The following SLC44A4 variants were observed in gnomAD, a reference collection of about 807,000 sequenced individuals.
SLC44A4 encodes solute carrier family 44 member 4, also known as choline transporter-like protein 4.
A neutral mutation model predicts 97.0 loss-of-function variants in SLC44A4; 74 were observed. That is an observed-to-expected ratio of 0.76 (90% CI 0.63 to 0.93). The LOEUF (loss-of-function observed/expected upper bound fraction) is 0.93, where lower values mean the gene tolerates loss of function less well. Among genes scored for constraint, SLC44A4 ranks in the 40% least tolerant of loss-of-function variants. The pLI, the probability that SLC44A4 is intolerant of heterozygous loss-of-function variation, is 0.00. For synonymous variants in SLC44A4, 325 were observed against 363.8 expected (o/e 0.89, Z 1.21); for missense variants, 799 against 902.9 (o/e 0.88, Z 1.48).
rs1762743277 is a variant in SLC44A4, at chr6:31,864,692, G to A, written c.1971C>T (p.Ser657=). ...GCGTGTCCACACACATGCCGAAAAC[G>A]CTGAAGAAGCCGCTGGCGATGACAT... ...GAYVIASGFF[S]VFGMCVDTLF... Residue 657 remains serine (S), a synonymous_variant, in exon 20 of 21, where the codon AGC becomes AGT. Transcript: ENST00000229729. 4 of 1,614,080 alleles carry A rather than the reference G, an allele frequency of 2.5e-6. No individual in the cohort carries two copies. Among genetic ancestry groups the A allele is most frequent in the Non-Finnish European group, 3.4e-6 (4 of 1,180,022 alleles).
chr6:31,863,858 C>T, intron 20 of SLC44A4, 110 bp from the exon 21 acceptor site: 1 of 1,446,076 alleles, frequency 6.9e-7, no homozygotes, highest in Non-Finnish European at 9.4e-7. Context: ...CCACCCTTAC[C>T]CCCGGGCAGG....
chr6:31,876,965 A>G lies in SLC44A4; in HGVS notation c.89+69T>C. ...TCCTACTAATATTTTAGCAAATACA[A>G]AGCAAATACTGGATTCCACACTGCA... On this transcript the variant is annotated intron_variant, in intron 2 of 20. Coordinates refer to ENST00000229729, the MANE Select transcript of SLC44A4 (RefSeq NM_025257.3). This position sits in a 1 kb window ranked among gnomAD's most constrained non-coding sequence, Gnocchi z 4.8. 6.9e-7 allele frequency: 1 copy of G among 1,451,018 alleles called. No individual in the cohort carries two copies. Among genetic ancestry groups the G allele is most frequent in the Non-Finnish European group, 9.4e-7 (1 of 1,066,252 alleles). The allele number at this position is 1,451,018 out of a possible 1,614,324, so 89.9% of individuals were successfully genotyped here.
rs2151572360 is a variant in SLC44A4, at chr6:31,876,820, C to G, written c.89+214G>C. Among the ~76,000 whole-genome samples the G allele has an allele frequency of 6.6e-6, 1 of 151,936 alleles. No individual in the cohort carries two copies. Among genetic ancestry groups the G allele is most frequent in the Admixed American group, 6.6e-5 (1 of 15,240 alleles). On this transcript the variant is annotated intron_variant, in intron 2 of 20. Transcript: ENST00000229729. The surrounding 1 kb of genome is among the most constrained non-coding windows in gnomAD (Gnocchi z 4.8). ...AGTTCTCTCGCTTGTGAAGCCGGCA[C>G]TTAAGTCAAGAAACAGAACATCCCC...
chr6:31,870,871 A>G lies in SLC44A4; in HGVS notation c.878T>C (p.Leu293Pro), dbSNP rs1390452511. Residue 293 changes from leucine to proline, a missense_variant, in exon 10 of 21, where the codon CTG becomes CCG. Around this residue, in one of 3 missense-constraint regions of SLC44A4, gnomAD observed 409 missense variants for 434.1 expected, o/e 0.94. Coordinates refer to ENST00000229729, the MANE Select transcript of SLC44A4 (RefSeq NM_025257.3). The part of the protein sequence containing the change: ...LRDKGASISQ[L>P]GFTTNLSAYQ... The stretch of plus-strand genomic sequence containing the variant: ...GGCACTGAGGTTGGTGGTGAAACCC[A>G]GCTGGGAGATGGAGGCGCCCTTGTC... 1.2e-6 allele frequency: 2 copies of G among 1,612,942 alleles called. No homozygotes were observed. Among genetic ancestry groups the G allele is most frequent in the South Asian group, 2.2e-5 (2 of 91,092 alleles).
intron 11 of SLC44A4, 24 bp from the exon 12 acceptor site, chr6:31,869,661 C>CAGAT: frequency 6.4e-7 from 1 of 1,560,414 alleles, no homozygotes; most frequent in Non-Finnish European, 8.7e-7. Flanking sequence ...AAGCTGTTAA[C>CAGAT]CGGCACCGCC....
At chr6:31,863,879 TCA>T in intron 20 of SLC44A4, 131 bp from the exon 21 acceptor site, 6 of 1,215,844 alleles carry the variant, frequency 4.9e-6, no homozygotes, top group Non-Finnish European at 6.9e-6. Context: ...TTATGTAATC[TCA>T]GTTTCCTCCT....
At chr6:31,867,969 T>C (rs1762953537) in intron 13 of SLC44A4, among the ~76,000 whole-genome samples, 2 of 152,052 alleles carry the variant, frequency 1.3e-5, no homozygotes, top group Non-Finnish European at 1.5e-5. Flanking sequence ...AGGCACCTGC[T>C]ACCATGCCTG....
At position 31,878,798 on chromosome 6, in the gene SLC44A4, C is replaced by T. The variant is rs1363834710; in HGVS notation, c.40+143G>A. The T allele has an allele frequency of 2.0e-6, 2 of 1,017,340 alleles. No homozygotes were observed. The highest frequency in any genetic ancestry group is 1.6e-5 in the African/African-American group (1 of 63,356). 63.0% of individuals were successfully genotyped at this position (1,017,340 alleles called of 1,614,324 possible). On this transcript the variant is annotated intron_variant, in intron 1 of 20. Coordinates refer to ENST00000229729, the MANE Select transcript of SLC44A4 (RefSeq NM_025257.3). The surrounding 1 kb of genome is among the most constrained non-coding windows in gnomAD (Gnocchi z 4.0). ...TCCCAGGACCCTGACTCCCTCCCTC[C>T]ATGGCTCCCGGTTCCCGGGCCCTCC...
intron 11 of SLC44A4, 37 bp downstream of exon 11, chr6:31,870,566 G>A: frequency 6.5e-7 from 1 of 1,532,750 alleles, no homozygotes; most frequent in African/African-American, 1.4e-5. Context: ...GGTCCACGCT[G>A]TCCTCAACCC....
At chr6:31,869,100 C>T in intron 13 of SLC44A4, 55 bp downstream of exon 13, 1 of 1,423,674 alleles carries the variant, frequency 7.0e-7, no homozygotes, top group Non-Finnish European at 9.6e-7. Context: ...GAATGTGGCC[C>T]CTACAGCCCC....
At chr6:31,871,969 G>GCT (rs1763202046) in intron 7 of SLC44A4, among the ~76,000 whole-genome samples, 1 of 151,976 alleles carries the variant, frequency 6.6e-6, no homozygotes, top group Non-Finnish European at 1.5e-5. Flanking sequence ...AGGCTTCCAG[G>GCT]CTCTCCTGTG....
chr6:31,866,432 C>T (rs1762878155), intron 13 of SLC44A4, among the ~76,000 whole-genome samples: 1 of 152,216 alleles, frequency 6.6e-6, no homozygotes, highest in Non-Finnish European at 1.5e-5. Flanking sequence ...GCAAATTGAA[C>T]AGGCTGGGTA....
In SLC44A4 at chr6:31,874,783, C is replaced by T. The variant is rs1763352873; in HGVS notation, c.406G>A (p.Val136Ile). Residue 136 changes from valine to isoleucine, a missense_variant, in exon 6 of 21, where the codon GTT (valine) becomes ATT (isoleucine). By Grantham distance (29) the Val-to-Ile change is conservative (BLOSUM62 3). Coordinates refer to ENST00000229729, the MANE Select transcript of SLC44A4 (RefSeq NM_025257.3). This position sits in a 1 kb window ranked among gnomAD's most constrained non-coding sequence, Gnocchi z 4.8. ...TTTTTTGTATAGAAGACTTCCCCAA[C>T]AGTCTGTGAGAACTCGTTTTTTCCC... ...TVGKNEFSQT[V>I]GEVFYTKNRN... 6.2e-7 allele frequency: 1 copy of T among 1,614,066 alleles called. No homozygotes were observed. Among genetic ancestry groups the T allele is most frequent in the African/African-American group, 1.3e-5 (1 of 75,020 alleles).
intron 7 of SLC44A4, among the ~76,000 whole-genome samples, chr6:31,873,801 G>A (rs942692412): frequency 6.6e-6 from 1 of 152,096 alleles, no homozygotes; most frequent in Non-Finnish European, 1.5e-5. Context: ...CAGGCTGGGC[G>A]TGGTGGCTCA....
Position 31,870,681 on chromosome 6 carries a change from T to G in SLC44A4, c.959A>C (p.Glu320Ala), listed in dbSNP as rs1299071184. ...GATGAGCATCAGCAGCAGGATGGCTTCAAGCACCGCCAACACGATCACTGC... is the reference window on the plus strand; with the variant it reads ...GATGAGCATCAGCAGCAGGATGGCTGCAAGCACCGCCAACACGATCACTGC... ...LAALIVLAVL[E>A]AILLLMLIFL... is the part of the protein sequence containing the mutation. Residue 320 changes from glutamate to alanine, a missense_variant, in exon 11 of 21, where the codon GAA becomes GCA. Around this residue, in one of 3 missense-constraint regions of SLC44A4, gnomAD observed 409 missense variants for 434.1 expected, o/e 0.94. Transcript: ENST00000229729. 3 of 1,611,280 alleles carry G rather than the reference T, an allele frequency of 1.9e-6. No homozygotes were observed. Among genetic ancestry groups the G allele is most frequent in the Non-Finnish European group, 2.5e-6 (3 of 1,179,232 alleles).
chr6:31,875,727 G>A (rs1490637138), intron 4 of SLC44A4, 125 bp downstream of exon 4: 1 of 826,666 alleles, frequency 1.2e-6, no homozygotes, highest in Non-Finnish European at 1.9e-6. Flanking sequence ...GCTGAGGTGG[G>A]GTGGGGACAG....
rs1763174111 is a variant in SLC44A4 at position 31,871,471 on chromosome 6, T to A, written c.617+3A>T. Reference sequence around the variant, plus strand: ...CCAGGATGTGGGGGAGGGAGGTGCCTACCTGATCCCCTGCTGTATGGTGGT... The same window carrying A: ...CCAGGATGTGGGGGAGGGAGGTGCCAACCTGATCCCCTGCTGTATGGTGGT... On this transcript the variant is annotated splice_donor_region_variant and intron_variant, in intron 8 of 20. Transcript: ENST00000229729. The A allele has an allele frequency of 6.2e-7, 1 of 1,613,854 alleles. No homozygotes were observed. Among genetic ancestry groups the A allele is most frequent in the Non-Finnish European group, 8.5e-7 (1 of 1,179,796 alleles).
chr6:31,875,054 A>G, intron 4 of SLC44A4, 26 bp from the exon 5 acceptor site: 1 of 1,577,940 alleles, frequency 6.3e-7, no homozygotes, highest in Non-Finnish European at 8.7e-7. Context: ...GACCATGTGC[A>G]TCAGGGCCTG....
rs1281241129 is a variant in SLC44A4, at chr6:31,865,851, C to A, written c.1487+22G>T. The A allele has an allele frequency of 1.2e-6, 2 of 1,613,858 alleles. No homozygotes were observed. Among genetic ancestry groups the A allele is most frequent in the African/African-American group, 1.3e-5 (1 of 74,898 alleles). ...CTGGGGCCCCCGTGCCTACAATGAC[C>A]AGGCCCCTGCCCCATCCTTACCGGA... On this transcript the variant is annotated intron_variant, in intron 14 of 20. Transcript: ENST00000229729. The surrounding 1 kb of genome is among the most constrained non-coding windows in gnomAD (Gnocchi z 5.2).
Sources: allele counts gnomAD v4.1 joint callset (sites outside exome capture counted in the v4.1 genomes callset), GRCh38; gene constraint gnomAD v4.1.1; regional missense constraint gnomAD v4.1.1; non-coding constraint Gnocchi (gnomAD v3.1); transcripts MANE v1.5; gene names NCBI Gene and HGNC (gene_info 2026-07-23, HGNC 2026-07-21).